Variants in MOK observed in about 807,000 individuals in gnomAD.
MOK encodes the protein MOK protein kinase, also known as MAPK/MAK/MRK overlapping kinase.
A neutral mutation model predicts 54.2 loss-of-function variants in MOK; 59 were observed. The observed-to-expected ratio is 1.09, with a 90% confidence interval of 0.88 to 1.35. The LOEUF is 1.35. Ranked by LOEUF, MOK falls within the 40% of genes most tolerant of loss-of-function variation. The pLI is 0.00. For synonymous variants in MOK, 210 were observed against 202.7 expected (o/e 1.04, Z -0.31); for missense variants, 517 against 526.2 (o/e 0.98, Z 0.17).
intron 3 of MOK, 43 bp from the exon 4 acceptor site, chr14:102,263,659 A>C (rs368539217): frequency 8.1e-6 from 11 of 1,350,428 alleles, no homozygotes; most frequent in Non-Finnish European, 9.3e-6. Flanking sequence ...TTCTGGCCTT[A>C]ATCAGAAAAT....
At chr14:102,289,348 C>A (rs750549405) in intron 1 of MOK, among the ~76,000 whole-genome samples, 40 of 152,102 alleles carry the variant, frequency 2.6e-4, no homozygotes, top group Non-Finnish European at 5.9e-5. Context: ...GAAACACAGA[C>A]TGAGAAATCT....
chr14:102,218,896 G>T, the MOK span, among the ~76,000 whole-genome samples: 1 of 152,228 alleles, frequency 6.6e-6, no homozygotes, highest in South Asian at 2.1e-4. Context: ...GCTGAGCACA[G>T]GTGAAGCGTG....
chr14:102,275,281 T>C (rs956609640), intron 2 of MOK, among the ~76,000 whole-genome samples: 1 of 151,806 alleles, frequency 6.6e-6, no homozygotes, highest in Non-Finnish European at 1.5e-5. Flanking sequence ...TTAAGATGGA[T>C]TGGCCGGGCA....
chr14:102,271,354 C>G (rs1256337700), intron 2 of MOK, among the ~76,000 whole-genome samples: 1 of 152,072 alleles, frequency 6.6e-6, no homozygotes, highest in Non-Finnish European at 1.5e-5. Context: ...ATCTTTTTAT[C>G]ACTACGAATG....
intron 4 of MOK, among the ~76,000 whole-genome samples, chr14:102,258,231 G>A (rs982769880): frequency 6.6e-6 from 1 of 152,094 alleles, no homozygotes; most frequent in African/African-American, 2.4e-5. Context: ...TTAGAGTAAC[G>A]AAAATTCTTA....
At chr14:102,224,886 G>C, downstream of MOK, 1 of 434,412 alleles carries the variant, frequency 2.3e-6, no homozygotes, top group South Asian at 1.7e-5. Flanking sequence ...AGTGACCTCT[G>C]TATTAAAATA....
the MOK span, among the ~76,000 whole-genome samples, chr14:102,218,137 C>T: frequency 2.6e-5 from 4 of 152,230 alleles, no homozygotes; most frequent in South Asian, 2.1e-4. Context: ...TGCCCGCCCG[C>T]GTGCCTGCCA....
the MOK span, among the ~76,000 whole-genome samples, chr14:102,215,324 G>A: frequency 1.3e-5 from 2 of 152,200 alleles, no homozygotes; most frequent in Non-Finnish European, 2.9e-5. Context: ...CAGACATTCT[G>A]AAGTCGTCCT....
At chr14:102,218,348 C>T in the MOK span, among the ~76,000 whole-genome samples, 386 of 152,274 alleles carry the variant, frequency 2.5e-3, 2 homozygotes, top group African/African-American at 8.3e-3. Flanking sequence ...GGCCAGGGGT[C>T]GTGGGGGTCA....
chr14:102,302,681 T>A (rs1312119056), intron 1 of MOK, among the ~76,000 whole-genome samples: 1 of 151,560 alleles, frequency 6.6e-6, no homozygotes, highest in African/African-American at 2.4e-5. Context: ...TCCCAAAGTG[T>A]TGGCATTACA....
At chr14:102,221,613 C>T (rs149127182), downstream of MOK, among the ~76,000 whole-genome samples, 1,803 of 152,280 alleles carry the variant, frequency 0.012, 14 homozygotes, top group Middle Eastern at 0.041. This position sits in a 1 kb window ranked among gnomAD's most constrained non-coding sequence, Gnocchi z 4.8. Context: ...TGCCACATTC[C>T]GTTTGCTTCC....
intron 7 of MOK, among the ~76,000 whole-genome samples, chr14:102,244,270 T>C (rs1246769334): frequency 2.0e-5 from 3 of 148,712 alleles, no homozygotes; most frequent in Non-Finnish European, 4.5e-5. Context: ...TTTTTCTCCT[T>C]CTCATCGGTC....
rs991599667 is a variant in MOK, at chr14:102,229,352, C to T, written c.1197G>A (p.Lys399=). 3.1e-6 allele frequency: 5 copies of T among 1,614,198 alleles called. No homozygotes were observed. Among genetic ancestry groups the T allele is most frequent in the South Asian group, 1.1e-5 (1 of 91,090 alleles). Residue 399 remains lysine (K), a synonymous_variant, in exon 12 of 12, where the codon AAG becomes AAA. Coordinates refer to ENST00000361847, the MANE Select transcript of MOK (RefSeq NM_014226.3). The stretch of plus-strand genomic sequence containing the variant: ...ACTGCTGCGGGGCAGGCTTAAGGTC[C>T]TTCTGCGGATCTGTCTGTCAAAGAA... ...IPASKKTDPQ[K]DLKPAPQQCR...
intron 2 of MOK, among the ~76,000 whole-genome samples, chr14:102,272,271 C>T (rs1269866253): frequency 2.0e-5 from 3 of 152,120 alleles, no homozygotes; most frequent in Non-Finnish European, 4.4e-5. Flanking sequence ...GGCGAATTGC[C>T]TGAGGTCAGG....
At chr14:102,227,738 C>T (rs566434638), downstream of MOK, among the ~76,000 whole-genome samples, 17 of 152,300 alleles carry the variant, frequency 1.1e-4, no homozygotes, top group Middle Eastern at 3.4e-3. Flanking sequence ...CGCTGCCCCA[C>T]GCTCCCCGCC....
chr14:102,301,932 G>A (rs1282156756), intron 1 of MOK, among the ~76,000 whole-genome samples: 5 of 150,836 alleles, frequency 3.3e-5, no homozygotes, highest in African/African-American at 1.2e-4. Context: ...TGTATTTTTT[G>A]GTTGAGATGG....
intron 7 of MOK, among the ~76,000 whole-genome samples, chr14:102,239,474 T>C (rs2065523394): frequency 7.5e-6 from 1 of 133,376 alleles, no homozygotes; most frequent in Non-Finnish European, 1.8e-5. Flanking sequence ...GCACTCTCCC[T>C]CATCCGCCAT....
At chr14:102,290,389 G>A (rs1010030171) in intron 1 of MOK, among the ~76,000 whole-genome samples, 2 of 151,594 alleles carry the variant, frequency 1.3e-5, no homozygotes, top group African/African-American at 2.4e-5. Flanking sequence ...GCGGTGAGCC[G>A]AGATCACGCC....
intron 1 of MOK, among the ~76,000 whole-genome samples, chr14:102,296,968 G>C (rs950004041): frequency 2.0e-5 from 3 of 152,058 alleles, no homozygotes; most frequent in African/African-American, 7.2e-5. Flanking sequence ...TGAGGTGGGA[G>C]AATACCTTGA....
Sources: allele counts gnomAD v4.1 joint callset (sites outside exome capture counted in the v4.1 genomes callset), GRCh38; gene constraint gnomAD v4.1.1; non-coding constraint Gnocchi (gnomAD v3.1); transcripts MANE v1.5; gene names NCBI Gene and HGNC (gene_info 2026-07-23, HGNC 2026-07-21).